Variants in EGFR observed in about 807,000 individuals in gnomAD.
EGFR encodes the protein epidermal growth factor receptor.
Under a neutral mutation model 143.0 loss-of-function variants are expected in EGFR, and 58 were observed. That is an observed-to-expected ratio of 0.41 (90% CI 0.33 to 0.50). The LOEUF (loss-of-function observed/expected upper bound fraction) is 0.50. Among genes scored for constraint, EGFR ranks in the 20% least tolerant of loss-of-function variants. The pLI is 0.39. For synonymous variants in EGFR, 613 were observed against 594.4 expected (o/e 1.03, Z -0.45); for missense variants, 1,307 against 1,579.0 (o/e 0.83, Z 2.92).
At chr7:55,165,547 A>T in intron 15 of EGFR, 110 bp downstream of exon 15, 3 of 1,443,874 alleles carry the variant, frequency 2.1e-6, no homozygotes, top group East Asian at 2.5e-5. Flanking sequence ...TATTTGAGTC[A>T]GTTACTTAAG....
chr7:55,073,228 A>G (rs901570559), intron 1 of EGFR, among the ~76,000 whole-genome samples: 4 of 152,274 alleles, frequency 2.6e-5, no homozygotes, highest in African/African-American at 9.6e-5. Context: ...TGGATATTGC[A>G]GACAGCATAG....
chr7:55,199,009 C>A, intron 23 of EGFR, 146 bp downstream of exon 23: 3 of 1,057,198 alleles, frequency 2.8e-6, no homozygotes, highest in Non-Finnish European at 4.2e-6. Flanking sequence ...CTGTAAATAC[C>A]CCTTCAAGCA....
rs1788106139 is a variant in EGFR at position 55,206,350 on chromosome 7, CTTGT to C, written c.*738_*741del. 1.3e-5 allele frequency: 3 copies of C among 233,448 alleles called. No homozygotes were observed. The Admixed American group carries it at 1.7e-4, about 13-fold the overall frequency. The allele number at this position is 233,448 out of a possible 1,614,324, so 14.5% of individuals were successfully genotyped here. A position where few individuals can be genotyped will look rare whatever the true frequency, so the allele number is the denominator to read the frequency against. ...TTTCCAGTCATGAGCGTTAGACTGA[CTTGT>C]TTGTCTTCCATTCCATTGTTTTGAA... On this transcript the variant is annotated 3_prime_UTR_variant, in exon 28 of 28. Transcript: ENST00000275493.
At chr7:55,144,173 C>T (rs1794629670) in intron 3 of EGFR, among the ~76,000 whole-genome samples, 1 of 152,122 alleles carries the variant, frequency 6.6e-6, no homozygotes, top group South Asian at 2.1e-4. Flanking sequence ...GTACAGATGC[C>T]CCTTGACTTA....
intron 3 of EGFR, among the ~76,000 whole-genome samples, chr7:55,145,661 G>A (rs1794723402): frequency 6.6e-6 from 1 of 152,154 alleles, no homozygotes; most frequent in Non-Finnish European, 1.5e-5. Flanking sequence ...TGGGGAGCTG[G>A]GCATTGCTTC....
chr7:55,087,408 G>A (rs775929688), intron 1 of EGFR, among the ~76,000 whole-genome samples: 18 of 151,930 alleles, frequency 1.2e-4, no homozygotes, highest in Admixed American at 3.3e-4. Context: ...CAGGCCCTGC[G>A]TAGGGCCTAC....
At chr7:55,020,693 A>ACATG (rs773206112) in intron 1 of EGFR, among the ~76,000 whole-genome samples, 60 of 152,144 alleles carry the variant, frequency 3.9e-4, no homozygotes, top group Admixed American at 8.5e-4. Context: ...GACAGGGGAA[A>ACATG]CATGCCTTGG....
intron 1 of EGFR, among the ~76,000 whole-genome samples, chr7:55,125,565 G>A (rs1562737084): frequency 6.6e-6 from 1 of 152,222 alleles, no homozygotes. Flanking sequence ...CTGCCCTACA[G>A]CTTGTACATC....
chr7:55,067,123 C>T (rs543763139), intron 1 of EGFR, among the ~76,000 whole-genome samples: 204 of 152,246 alleles, frequency 1.3e-3, no homozygotes, highest in Non-Finnish European at 2.1e-3. Context: ...GGAGGTAGGG[C>T]GCAGTTTCAG....
chr7:55,178,356 G>C (rs1383681874), intron 19 of EGFR, among the ~76,000 whole-genome samples: 1 of 152,196 alleles, frequency 6.6e-6, no homozygotes, highest in Non-Finnish European at 1.5e-5. Context: ...CAATGGAAGG[G>C]AACGCAAAAC....
intron 1 of EGFR, among the ~76,000 whole-genome samples, chr7:55,074,499 A>T (rs564919500): frequency 2.0e-5 from 3 of 152,348 alleles, no homozygotes; most frequent in Admixed American, 1.3e-4. Context: ...ATATTCTCTC[A>T]TTCAATGTGA....
At chr7:55,050,003 C>A (rs74804287) in intron 1 of EGFR, among the ~76,000 whole-genome samples, 5 of 152,314 alleles carry the variant, frequency 3.3e-5, no homozygotes, top group Admixed American at 3.3e-4. Flanking sequence ...TCAAGGCAAC[C>A]TCTTCACTCT....
intron 1 of EGFR, among the ~76,000 whole-genome samples, chr7:55,134,492 G>T (rs1284077922): frequency 6.6e-6 from 1 of 152,252 alleles, no homozygotes; most frequent in Non-Finnish European, 1.5e-5. Flanking sequence ...TGTTTAAAAT[G>T]GAAACGTTAT....
chr7:55,141,966 T>A (rs1794483376), intron 1 of EGFR, among the ~76,000 whole-genome samples: 1 of 152,258 alleles, frequency 6.6e-6, no homozygotes, highest in Non-Finnish European at 1.5e-5. Context: ...AACATTTTTT[T>A]ATTTTGGCAT....
intron 4 of EGFR, 96 bp downstream of exon 4, chr7:55,146,836 A>T (rs538390054): frequency 6.5e-7 from 1 of 1,543,424 alleles, no homozygotes; most frequent in Non-Finnish European, 8.9e-7. Flanking sequence ...TTAGTAAGTC[A>T]CATTAATCAG....
intron 1 of EGFR, among the ~76,000 whole-genome samples, chr7:55,096,703 T>C (rs1207438442): frequency 6.6e-6 from 1 of 152,110 alleles, no homozygotes; most frequent in African/African-American, 2.4e-5. Context: ...TTGGTCCCAC[T>C]GAAAAGAAAC....
chr7:55,157,094 C>T (rs1785460929), intron 10 of EGFR: 1 of 804,578 alleles, frequency 1.2e-6, no homozygotes, highest in Non-Finnish European at 1.8e-6. Context: ...CCTTGGTGGC[C>T]CATAACCCCT....
At chr7:55,110,643 A>G (rs1220541637) in intron 1 of EGFR, among the ~76,000 whole-genome samples, 1 of 152,258 alleles carries the variant, frequency 6.6e-6, no homozygotes, top group East Asian at 1.9e-4. Flanking sequence ...GGAGCAAAGC[A>G]ACTTTCCAGT....
chr7:55,198,717 G>C lies in EGFR; in HGVS notation c.2702G>C (p.Gly901Ala), dbSNP rs1009023863. The change falls in exon 23 of 28, where the codon GGG becomes GCG. Residue 901 changes from glycine (G) to alanine (A), a missense_variant and splice_region_variant. Gly to Ala is a moderately conservative substitution (Grantham distance 60). Coordinates refer to ENST00000275493, the MANE Select transcript of EGFR (RefSeq NM_005228.5). ...YTHQSDVWSY[G>A]VTVWELMTFG... Reference sequence around the variant, plus strand: ...TTCTTTTCTTGCTTCATCCTCTCAGGGGTGACTGTTTGGGAGTTGATGACC... The same window carrying C: ...TTCTTTTCTTGCTTCATCCTCTCAGCGGTGACTGTTTGGGAGTTGATGACC... 5.0e-6 allele frequency: 8 copies of C among 1,613,990 alleles called. No homozygotes were observed. Among genetic ancestry groups the C allele is most frequent in the African/African-American group, 4.0e-5 (3 of 74,890 alleles).
Sources: allele counts gnomAD v4.1 joint callset (sites outside exome capture counted in the v4.1 genomes callset), GRCh38; gene constraint gnomAD v4.1.1; transcripts MANE v1.5; gene names NCBI Gene and HGNC (gene_info 2026-07-23, HGNC 2026-07-21).